Variants in NAALADL2 observed in about 807,000 individuals in gnomAD.
NAALADL2 encodes inactive N-acetylated-alpha-linked acidic dipeptidase-like protein 2.
In NAALADL2, 76 loss-of-function variants were observed where a neutral mutation model predicts 87.2. That is an observed-to-expected ratio of 0.87 (90% confidence interval 0.72 to 1.05). NAALADL2 has a LOEUF of 1.05. Among genes scored for constraint, NAALADL2 ranks in the 50% least tolerant of loss-of-function variants. NAALADL2 has a pLI of 0.00. For synonymous variants in NAALADL2, 354 were observed against 331.0 expected, an observed-to-expected ratio of 1.07 and a Z score of -0.75; for missense variants, 1,089 against 945.8, an observed-to-expected ratio of 1.15 and a Z score of -1.99.
At chr3:174,543,125 A>G (rs1722399483) in intron 1 of NAALADL2, among the ~76,000 whole-genome samples, 3 of 152,192 alleles carry the variant, frequency 2.0e-5, no homozygotes, top group South Asian at 2.1e-4. Context: ...TTTGTCCTGG[A>G]AAGTTATTAG....
chr3:175,391,595 A>G (rs2149022710), intron 5 of NAALADL2, among the ~76,000 whole-genome samples: 1 of 152,300 alleles, frequency 6.6e-6, no homozygotes, highest in Admixed American at 6.5e-5. Flanking sequence ...CTTGGAAGTG[A>G]ATACTCTTGA....
intron 1 of NAALADL2, among the ~76,000 whole-genome samples, chr3:175,068,790 T>C (rs1169991866): frequency 2.6e-5 from 4 of 152,110 alleles, no homozygotes; most frequent in African/African-American, 9.6e-5. Context: ...TAAATAACCA[T>C]CTGGGACGCA....
chr3:175,319,330 A>G (rs779791119), intron 4 of NAALADL2, among the ~76,000 whole-genome samples: 3 of 151,258 alleles, frequency 2.0e-5, no homozygotes, highest in Non-Finnish European at 4.4e-5. Context: ...AAAATAATAC[A>G]TGCTGTTCAT....
At chr3:175,223,056 CAAAT>C (rs973959450) in intron 2 of NAALADL2, among the ~76,000 whole-genome samples, 2 of 150,346 alleles carry the variant, frequency 1.3e-5, no homozygotes, top group Non-Finnish European at 3.0e-5. Flanking sequence ...TTACCACAAT[CAAAT>C]TAATTAACAC....
At chr3:174,831,416 A>G (rs538323006) in intron 3 of NAALADL2, among the ~76,000 whole-genome samples, 4 of 140,294 alleles carry the variant, frequency 2.9e-5, no homozygotes, top group African/African-American at 5.7e-5. Flanking sequence ...ACATTTATTG[A>G]TTTGCATATA....
chr3:175,579,454 C>A (rs990379281), intron 10 of NAALADL2, among the ~76,000 whole-genome samples: 1 of 152,188 alleles, frequency 6.6e-6, no homozygotes, highest in Non-Finnish European at 1.5e-5. Flanking sequence ...GATGCAAACA[C>A]ATTGCATAAA....
intron 5 of NAALADL2, among the ~76,000 whole-genome samples, chr3:175,345,734 T>C (rs555429189): frequency 1.3e-5 from 2 of 152,218 alleles, no homozygotes; most frequent in South Asian, 2.1e-4. Flanking sequence ...ATGGCATTTA[T>C]GTAGCATGGA....
intron 1 of NAALADL2, among the ~76,000 whole-genome samples, chr3:174,547,302 G>A (rs1350355062): frequency 2.0e-5 from 3 of 152,050 alleles, no homozygotes; most frequent in African/African-American, 7.2e-5. Context: ...GATTTTTAAG[G>A]GGAATGAAGA....
At chr3:174,508,707 C>A (rs1169462210) in intron 1 of NAALADL2, among the ~76,000 whole-genome samples, 1 of 151,822 alleles carries the variant, frequency 6.6e-6, no homozygotes, top group Admixed American at 6.5e-5. Context: ...TTAAAACATT[C>A]CTAAACATTT....
At chr3:174,878,267 T>C (rs184418131) in intron 1 of NAALADL2, among the ~76,000 whole-genome samples, 14 of 152,224 alleles carry the variant, frequency 9.2e-5, no homozygotes, top group African/African-American at 3.1e-4. Context: ...GATTGTCAAA[T>C]TGAGAACTCA....
intron 12 of NAALADL2, among the ~76,000 whole-genome samples, chr3:175,748,098 A>G (rs1015529484): frequency 1.3e-5 from 2 of 152,106 alleles, no homozygotes; most frequent in African/African-American, 2.4e-5. Context: ...CAGTTTAGCT[A>G]TAATTATCCA....
At chr3:175,199,292 T>A (rs1487230240) in intron 2 of NAALADL2, among the ~76,000 whole-genome samples, 1 of 152,162 alleles carries the variant, frequency 6.6e-6, no homozygotes, top group Admixed American at 6.6e-5. Flanking sequence ...GTTAGACATG[T>A]CTGAAGGTAG....
At chr3:174,725,693 A>G (rs137901291) in intron 2 of NAALADL2, among the ~76,000 whole-genome samples, 1 of 152,286 alleles carries the variant, frequency 6.6e-6, no homozygotes, top group East Asian at 1.9e-4. Flanking sequence ...TATAGAGATG[A>G]TTCCTGGGAT....
At chr3:175,217,806 T>C (rs1742785038) in intron 2 of NAALADL2, among the ~76,000 whole-genome samples, 1 of 152,178 alleles carries the variant, frequency 6.6e-6, no homozygotes, top group Non-Finnish European at 1.5e-5. Flanking sequence ...TCTAAAGAAT[T>C]AAATCATTTC....
chr3:174,825,759 G>C (rs558230118), intron 3 of NAALADL2, among the ~76,000 whole-genome samples: 42 of 152,266 alleles, frequency 2.8e-4, no homozygotes, highest in African/African-American at 9.4e-4. Context: ...CAGGCACAGT[G>C]GCTCACACCT....
chr3:174,552,460 A>G (rs1179211140), intron 2 of NAALADL2, among the ~76,000 whole-genome samples: 1 of 152,188 alleles, frequency 6.6e-6, no homozygotes, highest in Non-Finnish European at 1.5e-5. Context: ...AGATTGACAA[A>G]TAAATTCCTA....
chr3:175,709,501 G>T (rs1740222972), intron 11 of NAALADL2, among the ~76,000 whole-genome samples: 1 of 152,044 alleles, frequency 6.6e-6, no homozygotes, highest in African/African-American at 2.4e-5. Context: ...TTTAATTCTT[G>T]ACCCATTCCA....
At chr3:174,450,698 C>T (rs924818217) in intron 1 of NAALADL2, among the ~76,000 whole-genome samples, 2 of 151,696 alleles carry the variant, frequency 1.3e-5, no homozygotes, top group Non-Finnish European at 2.9e-5. Context: ...GGTGAAACCC[C>T]GTCTCCACTA....
chr3:175,778,075 C>T (rs1429639655), intron 13 of NAALADL2, among the ~76,000 whole-genome samples: 2 of 152,136 alleles, frequency 1.3e-5, no homozygotes, highest in Non-Finnish European at 2.9e-5. Flanking sequence ...AATAATCTTT[C>T]TTCTTTGTGA....
Sources: allele counts gnomAD v4.1 joint callset (sites outside exome capture counted in the v4.1 genomes callset), GRCh38; gene constraint gnomAD v4.1.1; transcripts MANE v1.5; gene names NCBI Gene and HGNC (gene_info 2026-07-23, HGNC 2026-07-21).